ARPP21: variants seen among roughly 807,000 people sequenced by gnomAD.
ARPP21 encodes the protein cAMP-regulated phosphoprotein 21.
A neutral mutation model predicts 113.2 loss-of-function variants in ARPP21; 69 were observed. The observed-to-expected ratio is 0.61, with a 90% CI of 0.50 to 0.74. The LOEUF is 0.74. Among genes scored for constraint, ARPP21 ranks in the 30% least tolerant of loss-of-function variants. The pLI is 0.00. For synonymous variants in ARPP21, 368 were observed against 375.5 expected (o/e 0.98, Z 0.23); for missense variants, 1,070 against 1,037.4 (o/e 1.03, Z -0.43).
intron 19 of ARPP21, among the ~76,000 whole-genome samples, chr3:35,745,583 T>A (rs991627627): frequency 1.4e-4 from 21 of 152,192 alleles, no homozygotes; most frequent in Non-Finnish European, 2.9e-5. Flanking sequence ...ACTAAACCCA[T>A]AAACTCTAGA....
chr3:35,671,769 AAGAAAGGAG>A (rs1477103868), intron 1 of ARPP21, among the ~76,000 whole-genome samples: 1 of 152,006 alleles, frequency 6.6e-6, no homozygotes, highest in Non-Finnish European at 1.5e-5. Context: ...TCAAGTGTGG[AAGAAAGGAG>A]AGAAAGACAT....
intron 9 of ARPP21, among the ~76,000 whole-genome samples, chr3:35,699,943 T>C (rs1250559984): frequency 6.6e-6 from 1 of 151,852 alleles, no homozygotes; most frequent in African/African-American, 2.4e-5. Context: ...ATTATTTTAG[T>C]ATTACAATAC....
At chr3:35,654,344 T>C (rs879283816) in intron 1 of ARPP21, among the ~76,000 whole-genome samples, 2 of 152,078 alleles carry the variant, frequency 1.3e-5, no homozygotes, top group Non-Finnish European at 2.9e-5. Context: ...ACCTTGCTCT[T>C]CAAATACGTG....
At chr3:35,766,480 T>A (rs2095982729) in intron 19 of ARPP21, among the ~76,000 whole-genome samples, 1 of 152,224 alleles carries the variant, frequency 6.6e-6, no homozygotes, top group Non-Finnish European at 1.5e-5. Flanking sequence ...GATGCCACTG[T>A]ATGTGAAGGA....
At chr3:35,668,290 C>G (rs1295480450) in intron 1 of ARPP21, among the ~76,000 whole-genome samples, 1 of 152,076 alleles carries the variant, frequency 6.6e-6, no homozygotes, top group Non-Finnish European at 1.5e-5. Context: ...TTTGGATGGG[C>G]AGCATTTCTT....
At chr3:35,788,224 T>G (rs1312392813) in intron 19 of ARPP21, among the ~76,000 whole-genome samples, 1 of 152,190 alleles carries the variant, frequency 6.6e-6, no homozygotes, top group Non-Finnish European at 1.5e-5. Context: ...CTTCATATTC[T>G]TCACCAGCTA....
At chr3:35,705,862 C>T (rs961533668) in intron 9 of ARPP21, among the ~76,000 whole-genome samples, 4 of 152,036 alleles carry the variant, frequency 2.6e-5, no homozygotes, top group East Asian at 1.9e-4. Flanking sequence ...TTTATGTACA[C>T]GTATTTAAGG....
At chr3:35,766,784 C>G (rs1363789849) in intron 19 of ARPP21, among the ~76,000 whole-genome samples, 1 of 152,090 alleles carries the variant, frequency 6.6e-6, no homozygotes, top group Admixed American at 6.6e-5. Context: ...TTGTAATGCA[C>G]CATCACCTAT....
At chr3:35,771,482 T>A (rs2096199707) in intron 19 of ARPP21, among the ~76,000 whole-genome samples, 1 of 151,934 alleles carries the variant, frequency 6.6e-6, no homozygotes. Context: ...GCGCCCATCA[T>A]CATGCCTGGC....
Position 35,737,365 on chromosome 3 carries a change from A to G in ARPP21, c.1644+3A>G. The G allele has an allele frequency of 6.3e-7, 1 of 1,599,932 alleles. No homozygotes were observed. On this transcript the variant is annotated splice_donor_region_variant and intron_variant, in intron 16 of 20. Transcript: ENST00000684406. ...TGGCAGGCCCTCTGGTCACTCAGGT[A>G]GGGGGCTGGTTGGAAGGCAGGGAAG...
Position 35,737,297 on chromosome 3 carries a change from TC to T in ARPP21, c.1583del (p.Pro528ArgfsTer56). The T allele has an allele frequency of 6.2e-7, 1 of 1,612,660 alleles. No homozygotes were observed. The highest frequency in any genetic ancestry group is 8.5e-7 in the Non-Finnish European group (1 of 1,179,138). On this transcript the variant is annotated frameshift_variant, in exon 16 of 21. Transcript: ENST00000684406. LOFTEE classifies it high-confidence loss of function. ...SQQQPPQQQP[S>X]PQPQQQVQPP... is the part of the protein sequence containing the mutation. The stretch of plus-strand genomic sequence containing the variant: ...ACAGCAGCCACCACAGCAGCAGCCC[TC>T]CCCGCAGCCCCAACAGCAGGTCCAG...
intron 12 of ARPP21, among the ~76,000 whole-genome samples, 195 bp from the exon 13 acceptor site, chr3:35,717,103 C>T (rs1048565251): frequency 2.0e-5 from 3 of 151,852 alleles, no homozygotes; most frequent in East Asian, 1.9e-4. Context: ...TACCTAGCAT[C>T]GGTGTCTTAA....
intron 19 of ARPP21, among the ~76,000 whole-genome samples, chr3:35,753,132 A>G (rs915718070): frequency 2.0e-5 from 3 of 151,288 alleles, no homozygotes; most frequent in Non-Finnish European, 4.4e-5. Context: ...TTGGTGGTTT[A>G]TTTTTCCCTT....
At chr3:35,744,596 A>G (rs1322999282) in intron 19 of ARPP21, 1 of 498,622 alleles carries the variant, frequency 2.0e-6, no homozygotes, top group Non-Finnish European at 4.1e-6. Context: ...AAAGAGCAGC[A>G]CGAACCCGAC....
In ARPP21 at chr3:35,737,271, AACAGCAGCCACC is replaced by A. The variant is rs753420512; in HGVS notation, c.1562_1573del (p.Pro521_Gln524del). On this transcript the variant is annotated inframe_deletion, in exon 16 of 21. Transcript: ENST00000684406. ...CGAAGCGCCATGGTGGGGCAGTCCC[AACAGCAGCCACC>A]ACAGCAGCAGCCCTCCCCGCAGCCC... The A allele has an allele frequency of 5.8e-5, 93 of 1,612,722 alleles. No homozygotes were observed. Among genetic ancestry groups the A allele is most frequent in the Non-Finnish European group, 7.7e-5 (91 of 1,179,098 alleles).
intron 15 of ARPP21, among the ~76,000 whole-genome samples, chr3:35,730,100 G>A (rs1241818813): frequency 6.6e-6 from 1 of 152,218 alleles, no homozygotes; most frequent in Non-Finnish European, 1.5e-5. Context: ...ATGTATTTTA[G>A]AAATGTCAGG....
chr3:35,691,521 TAAAA>T (rs1241464159), intron 9 of ARPP21, among the ~76,000 whole-genome samples: 1 of 151,652 alleles, frequency 6.6e-6, no homozygotes, highest in Non-Finnish European at 1.5e-5. Context: ...GCAAGTCATT[TAAAA>T]TCTGCCATCT....
intron 19 of ARPP21, among the ~76,000 whole-genome samples, chr3:35,748,986 G>T (rs1462201295): frequency 6.6e-6 from 1 of 151,986 alleles, no homozygotes; most frequent in Non-Finnish European, 1.5e-5. Context: ...AGACGTGACT[G>T]GTTTTAAGCC....
intron 19 of ARPP21, among the ~76,000 whole-genome samples, chr3:35,748,082 G>GAA (rs1384301725): frequency 8.5e-6 from 1 of 117,956 alleles, no homozygotes; most frequent in Admixed American, 8.8e-5. Context: ...AAGAAAGAAA[G>GAA]AAAGAAAGAA....
Sources: allele counts gnomAD v4.1 joint callset (sites outside exome capture counted in the v4.1 genomes callset), GRCh38; gene constraint gnomAD v4.1.1; transcripts MANE v1.5; gene names NCBI Gene and HGNC (gene_info 2026-07-23, HGNC 2026-07-21).